URB1: variants seen among roughly 807,000 people sequenced by gnomAD.
URB1 encodes URB1 ribosome biogenesis factor.
Under a neutral mutation model 242.3 loss-of-function variants are expected in URB1, and 197 were observed. The ratio of observed to expected loss-of-function variants is 0.81; its 90% CI spans 0.72 to 0.91. The LOEUF is 0.91. Among genes scored for constraint, URB1 ranks in the 40% least tolerant of loss-of-function variants. URB1 has a pLI of 0.00. For missense variants in URB1, 2,721 were observed against 2,860.5 expected (o/e 0.95, Z 1.11); for synonymous variants, 1,153 against 1,201.8 (o/e 0.96, Z 0.84).
intron 5 of URB1, among the ~76,000 whole-genome samples, chr21:32,376,890 G>A (rs990956587): frequency 6.6e-6 from 1 of 151,970 alleles, no homozygotes; most frequent in African/African-American, 2.4e-5. Context: ...AAGAACTCCC[G>A]GGCTCAAGCA....
intron 12 of URB1, 52 bp from the exon 13 acceptor site, chr21:32,361,175 G>GAAAC: frequency 1.4e-6 from 1 of 717,616 alleles, no homozygotes; most frequent in East Asian, 3.0e-5. Flanking sequence ...AAGAAAGAAA[G>GAAAC]AAAGAAAGAA....
chr21:32,334,351 GAA>G lies in URB1; in HGVS notation c.4686-19_4686-18del, dbSNP rs1023575427. 21 of 1,532,936 alleles carry G rather than the reference GAA, an allele frequency of 1.4e-5. No homozygotes were observed. The highest frequency in any genetic ancestry group is 1.8e-5 in the Non-Finnish European group (20 of 1,134,780). The allele number at this position is 1,532,936 out of a possible 1,614,324, so 95.0% of individuals were successfully genotyped here. On this transcript the variant is annotated intron_variant, in intron 28 of 38. Coordinates refer to ENST00000382751, the MANE Select transcript of URB1 (RefSeq NM_014825.3). ...AGCAGCACCCTAGAGCCAGAAAAGGGAAAAGAGACTGGTCACAGAGCCCCCCG... is the reference window on the plus strand; with the variant it reads ...AGCAGCACCCTAGAGCCAGAAAAGGGAAGAGACTGGTCACAGAGCCCCCCG...
At chr21:32,315,195 C>A in intron 38 of URB1, 96 bp from the exon 39 acceptor site, 1 of 1,314,614 alleles carries the variant, frequency 7.6e-7, no homozygotes, top group Non-Finnish European at 1.0e-6. Context: ...GCCAAGTGCC[C>A]AAATGAACCG....
At position 32,344,759 on chromosome 21, in the gene URB1, G is replaced by A. The variant is rs755380074; in HGVS notation, c.4071-3C>T. The A allele has an allele frequency of 3.9e-6, 6 of 1,549,502 alleles. No homozygotes were observed. Among genetic ancestry groups the A allele is most frequent in the Middle Eastern group, 1.7e-4 (1 of 6,008 alleles). ...AAATGGAGTCGGCCACGATCCACCTGCAGCAGGAGATGAGAGTCAGAGACA... is the reference window on the plus strand; with the variant it reads ...AAATGGAGTCGGCCACGATCCACCTACAGCAGGAGATGAGAGTCAGAGACA... On this transcript the variant is annotated splice_region_variant and splice_polypyrimidine_tract_variant and intron_variant, in intron 23 of 38. Coordinates refer to ENST00000382751, the MANE Select transcript of URB1 (RefSeq NM_014825.3).
chr21:32,393,008 C>A lies in URB1; in HGVS notation c.-98G>T. The A allele has an allele frequency of 7.3e-7, 1 of 1,374,702 alleles. No individual in the cohort carries two copies. Among genetic ancestry groups the A allele is most frequent in the East Asian group, 2.7e-5 (1 of 36,376 alleles). 85.2% of individuals were successfully genotyped at this position (1,374,702 alleles called of 1,614,324 possible). A position where few individuals can be genotyped will look rare whatever the true frequency, so the allele number is the denominator to read the frequency against. Reference sequence around the variant, plus strand: ...AGACACGCGCTTCAGGCCCACATGGCGCAGGAAGAGGCGGGGCTGGCGGAA... The same window carrying A: ...AGACACGCGCTTCAGGCCCACATGGAGCAGGAAGAGGCGGGGCTGGCGGAA... On this transcript the variant is annotated 5_prime_UTR_variant, in exon 1 of 39. Transcript: ENST00000382751.
At chr21:32,353,144 A>C (rs1489226799) in intron 18 of URB1, among the ~76,000 whole-genome samples, 1 of 152,182 alleles carries the variant, frequency 6.6e-6, no homozygotes, top group Non-Finnish European at 1.5e-5. Context: ...GTGAAGACCC[A>C]GGCATGTAAA....
At chr21:32,366,807 C>A in intron 9 of URB1, 52 bp from the exon 10 acceptor site, 4 of 1,534,226 alleles carry the variant, frequency 2.6e-6, no homozygotes, top group Non-Finnish European at 3.5e-6. Flanking sequence ...AGTTTCAAAC[C>A]TGAGACTAGC....
At chr21:32,364,454 G>A (rs2033323132) in intron 10 of URB1, among the ~76,000 whole-genome samples, 1 of 152,172 alleles carries the variant, frequency 6.6e-6, no homozygotes, top group African/African-American at 2.4e-5. Flanking sequence ...GAAACAAAGA[G>A]CTTTTCTGGT....
intron 4 of URB1, 82 bp from the exon 5 acceptor site, chr21:32,378,623 C>A (rs1400272908): frequency 1.2e-5 from 14 of 1,129,338 alleles, no homozygotes; most frequent in Non-Finnish European, 1.7e-5. Context: ...GCCAAGCACA[C>A]CCCTCCCGTC....
intron 32 of URB1, among the ~76,000 whole-genome samples, 181 bp downstream of exon 32, chr21:32,324,310 C>T (rs1333366009): frequency 1.3e-5 from 2 of 152,234 alleles, no homozygotes; most frequent in Non-Finnish European, 2.9e-5. Context: ...ATAGCCATCA[C>T]CTATTTACTG....
At position 32,364,830 on chromosome 21, in the gene URB1, G is replaced by A. The variant is rs1247567503; in HGVS notation, c.1336-1501C>T. 2.6e-5 allele frequency among the ~76,000 whole-genome samples: 4 copies of A among 152,126 alleles called. No homozygotes were observed. The East Asian group carries it at 7.7e-4, about 29-fold the overall frequency. On this transcript the variant is annotated intron_variant, in intron 10 of 38. Coordinates refer to ENST00000382751, the MANE Select transcript of URB1 (RefSeq NM_014825.3). ...AAACATCATCCAACTCCAGTCCCTG[G>A]ATGCACTCACATCACTGGGTCTCAC...
At chr21:32,318,496 ACT>A (rs1272520439) in intron 36 of URB1, among the ~76,000 whole-genome samples, 1 of 152,270 alleles carries the variant, frequency 6.6e-6, no homozygotes, top group Non-Finnish European at 1.5e-5. Context: ...GGAAAGGTTG[ACT>A]ATCCAGCACG....
chr21:32,375,684 C>T (rs1276563847), intron 5 of URB1, among the ~76,000 whole-genome samples: 1 of 151,946 alleles, frequency 6.6e-6, no homozygotes, highest in Non-Finnish European at 1.5e-5. Flanking sequence ...GTGGCTCATG[C>T]CTGTAAGCCC....
chr21:32,319,510 A>C, intron 35 of URB1, 96 bp from the exon 36 acceptor site: 2 of 1,206,076 alleles, frequency 1.7e-6, no homozygotes, highest in Non-Finnish European at 2.2e-6. Flanking sequence ...TCATCCCCCT[A>C]GATAAGCATA....
intron 5 of URB1, 36 bp from the exon 6 acceptor site, chr21:32,375,519 A>G (rs1433188893): frequency 4.7e-6 from 6 of 1,273,818 alleles, no homozygotes; most frequent in Admixed American, 2.3e-5. Context: ...AAATTCAAAA[A>G]TATTTTGAAA....
At chr21:32,353,785 G>A in intron 18 of URB1, 148 bp downstream of exon 18, 1 of 951,232 alleles carries the variant, frequency 1.1e-6, no homozygotes, top group Non-Finnish European at 1.5e-6. Flanking sequence ...TAGCTCTGCT[G>A]GCTGGGTAGC....
At position 32,325,290 on chromosome 21, in the gene URB1, T is replaced by C. The variant is rs1282456126; in HGVS notation, c.5060A>G (p.Tyr1687Cys). ...CGAGTAGTAGGCCGCCAGGACATGG[T>C]AGGCTATGGCTCGCATCTGGGGGTC... is the stretch of plus-strand genomic sequence containing the variant. Reference protein sequence around the residue: ...SYDPQMRAIAYHVLAAYYSHL... With the variant: ...SYDPQMRAIACHVLAAYYSHL... The change falls in exon 31 of 39, where the codon TAC (tyrosine) becomes TGC (cysteine). Residue 1687 changes from tyrosine (Y) to cysteine (C), a missense_variant. Physicochemically the swap from Tyr to Cys is radical, Grantham distance 194 (BLOSUM62 -2). Coordinates refer to ENST00000382751, the MANE Select transcript of URB1 (RefSeq NM_014825.3). 1 of 1,551,754 alleles carries C rather than the reference T, an allele frequency of 6.4e-7. No homozygotes were observed. The highest frequency in any genetic ancestry group is 2.4e-5 in the East Asian group (1 of 40,928).
At chr21:32,355,380 T>A (rs1206563262) in intron 16 of URB1, 69 bp downstream of exon 16, 1 of 1,424,322 alleles carries the variant, frequency 7.0e-7, no homozygotes, top group African/African-American at 1.4e-5. Context: ...CAAAAATGCC[T>A]CGATGACGCT....
In URB1 at chr21:32,383,378, G is replaced by A. The variant is rs1430037575; in HGVS notation, c.567+44C>T. ...GGAAAAACCACTACAGTCCTCCAAG[G>A]GAAGGAGACCCATGGAAGGCACGAG... On this transcript the variant is annotated intron_variant, in intron 4 of 38. Transcript: ENST00000382751. The A allele has an allele frequency of 2.0e-6, 3 of 1,525,896 alleles. No individual in the cohort carries two copies. In the Admixed American group the frequency reaches 6.4e-5, roughly 33 times the overall value. The allele number at this position is 1,525,896 out of a possible 1,614,324, so 94.5% of individuals were successfully genotyped here.
Sources: gnomAD v4.1 joint callset for allele counts (sites outside exome capture counted in the v4.1 genomes callset) on GRCh38, gnomAD v4.1.1 for gene constraint, MANE v1.5 for transcripts, NCBI Gene and HGNC (gene_info 2026-07-23, HGNC 2026-07-21) for gene names.